The following PRKCH variants were observed in gnomAD, a reference collection of about 807,000 sequenced individuals.
PRKCH encodes protein kinase C eta.
PRKCH carries 28 observed loss-of-function variants against 82.5 expected under a neutral mutation model. That is an observed-to-expected ratio of 0.34 (90% CI 0.25 to 0.47). The LOEUF is 0.47. Among genes scored for constraint, PRKCH ranks in the 20% least tolerant of loss-of-function variants. The pLI, the probability that PRKCH is intolerant of heterozygous loss-of-function variation, is 1.00. For synonymous variants in PRKCH, 322 were observed against 327.4 expected, an observed-to-expected ratio of 0.98 and a Z score of 0.18; for missense variants, 705 against 881.8, an observed-to-expected ratio of 0.80 and a Z score of 2.54.
At chr14:61,444,585 TC>T (rs200238617) in intron 3 of PRKCH, among the ~76,000 whole-genome samples, 5,590 of 151,528 alleles carry the variant, frequency 0.037, 120 homozygotes, top group Middle Eastern at 0.058. Flanking sequence ...CCTTTAACGC[TC>T]CCCCCCTCCA....
At chr14:61,433,828 G>A (rs1228881680) in intron 2 of PRKCH, among the ~76,000 whole-genome samples, 1 of 152,168 alleles carries the variant, frequency 6.6e-6, no homozygotes, top group African/African-American at 2.4e-5. Context: ...TAAGACTGTA[G>A]ATGTACAGTA....
At chr14:61,194,387 G>A (rs1238100861) in intron 1 of PRKCH, among the ~76,000 whole-genome samples, 1 of 152,192 alleles carries the variant, frequency 6.6e-6, no homozygotes, top group Non-Finnish European at 1.5e-5. Flanking sequence ...AATTAGGTCA[G>A]GGTGATAGCA....
At chr14:61,288,318 C>T (rs2045332904) in intron 1 of PRKCH, among the ~76,000 whole-genome samples, 2 of 152,150 alleles carry the variant, frequency 1.3e-5, no homozygotes, top group African/African-American at 4.8e-5. Flanking sequence ...TGGTCTTGAA[C>T]TCCTGAACTC....
chr14:61,297,668 T>A (rs1199214400), intron 1 of PRKCH, among the ~76,000 whole-genome samples: 1 of 152,210 alleles, frequency 6.6e-6, no homozygotes, highest in African/African-American at 2.4e-5. Flanking sequence ...GGATAGGGTT[T>A]GTGCTCCTGT....
intron 1 of PRKCH, among the ~76,000 whole-genome samples, chr14:61,225,440 G>C (rs1323029243): frequency 1.3e-5 from 2 of 152,322 alleles, no homozygotes; most frequent in East Asian, 1.9e-4. Context: ...TGCTGGACTG[G>C]ATGGACCCAA....
At chr14:61,206,382 C>A (rs1365516475) in intron 1 of PRKCH, among the ~76,000 whole-genome samples, 2 of 152,160 alleles carry the variant, frequency 1.3e-5, no homozygotes, top group African/African-American at 4.8e-5. Flanking sequence ...CTTGACATTG[C>A]CTTTTTCTCT....
chr14:61,315,967 C>T (rs377239673), intron 1 of PRKCH, among the ~76,000 whole-genome samples: 8 of 152,104 alleles, frequency 5.3e-5, no homozygotes, highest in Admixed American at 2.0e-4. Context: ...AGGCTGGTCT[C>T]GAACTCCTGA....
At chr14:61,338,513 T>C (rs2045887577) in intron 1 of PRKCH, among the ~76,000 whole-genome samples, 1 of 152,160 alleles carries the variant, frequency 6.6e-6, no homozygotes, top group Non-Finnish European at 1.5e-5. Context: ...AAACAAAATG[T>C]TAACTTTTGT....
chr14:61,467,316 C>T (rs1387588882), intron 9 of PRKCH, among the ~76,000 whole-genome samples: 2 of 152,220 alleles, frequency 1.3e-5, no homozygotes, highest in Non-Finnish European at 2.9e-5. Context: ...GACCTGTTGG[C>T]CAACGTACCT....
At position 61,413,418 on chromosome 14, in the gene PRKCH, C is replaced by CTG. The variant is rs1226453137; in HGVS notation, c.427+22130_427+22131insTG. ...CTTTTTAAGCGCCCCCCCCCCGCCC[C>CTG]GCCCATGTACCCTGTGCCTATATTC... is the stretch of plus-strand genomic sequence containing the variant. On this transcript the variant is annotated intron_variant, in intron 2 of 13. Transcript: ENST00000332981. Among the ~76,000 whole-genome samples the CTG allele has an allele frequency of 3.8e-5, 4 of 105,744 alleles. No homozygotes were observed. In the Admixed American group the frequency reaches 4.8e-4, roughly 13 times the overall value. The allele number at this position is 105,744 out of a possible 152,430, so 69.4% of individuals were successfully genotyped here.
In PRKCH at chr14:61,447,026, T is replaced by C. The variant is rs1884259473; in HGVS notation, c.613+1300T>C. On this transcript the variant is annotated intron_variant, in intron 4 of 13. Coordinates refer to ENST00000332981, the MANE Select transcript of PRKCH (RefSeq NM_006255.5). ...ACATGCAGACACCACTTTGGTGATG[T>C]CTCCCTAAGGCATATAAAACCAAAT... Among the ~76,000 whole-genome samples, 4 of 152,204 alleles carry C rather than the reference T, an allele frequency of 2.6e-5. No homozygotes were observed. In the South Asian group the frequency reaches 8.3e-4, roughly 32 times the overall value.
intron 12 of PRKCH, chr14:61,543,828 A>C (rs1468191667): frequency 6.6e-6 from 1 of 152,270 alleles, no homozygotes; most frequent in Non-Finnish European, 1.5e-5. Context: ...AGTTTAGGGA[A>C]AGGCCTGTGC....
chr14:61,230,373 T>C (rs186436489), intron 1 of PRKCH, among the ~76,000 whole-genome samples: 4 of 152,298 alleles, frequency 2.6e-5, no homozygotes, highest in Admixed American at 2.6e-4. Context: ...GTCATGACTC[T>C]CTTCTTAGGT....
intron 2 of PRKCH, 68 bp from the exon 3 acceptor site, chr14:61,443,043 T>A: frequency 2.7e-6 from 4 of 1,458,046 alleles, no homozygotes; most frequent in Non-Finnish European, 3.7e-6. Context: ...ACTATCAAAC[T>A]TTCTCATCTA....
At chr14:61,431,386 C>T (rs1034260713) in intron 2 of PRKCH, among the ~76,000 whole-genome samples, 2 of 152,200 alleles carry the variant, frequency 1.3e-5, no homozygotes, top group Non-Finnish European at 2.9e-5. Flanking sequence ...TCAAATTGCC[C>T]ACTTGGCCCT....
intron 1 of PRKCH, among the ~76,000 whole-genome samples, chr14:61,378,441 A>G (rs2046454874): frequency 6.6e-6 from 1 of 152,026 alleles, no homozygotes; most frequent in East Asian, 1.9e-4. Flanking sequence ...TCTGGCCTCA[A>G]GTGATCTTCC....
At position 61,280,198 on chromosome 14, in the gene PRKCH, A is replaced by G. The variant is rs1029633666; in HGVS notation, c.-19+92530A>G. Reference sequence around the variant, plus strand: ...GCCGACGACCAGGTAGGCGATGCCCAGGAAGGGGTTCTTGCCACCCATCCA... The same window carrying G: ...GCCGACGACCAGGTAGGCGATGCCCGGGAAGGGGTTCTTGCCACCCATCCA... On this transcript the variant is annotated intron_variant, in intron 1 of 3. Transcript: ENST00000555185. The surrounding 1 kb of genome is among the most constrained non-coding windows in gnomAD (Gnocchi z 5.0). 3.1e-6 allele frequency: 5 copies of G among 1,613,840 alleles called. No individual in the cohort carries two copies. Among genetic ancestry groups the G allele is most frequent in the Non-Finnish European group, 4.2e-6 (5 of 1,179,830 alleles).
chr14:61,245,944 A>G (rs1007486654), intron 1 of PRKCH, among the ~76,000 whole-genome samples: 7 of 152,200 alleles, frequency 4.6e-5, no homozygotes, highest in Non-Finnish European at 8.8e-5. Context: ...ATACCCAAAC[A>G]TTAGTGGTCG....
intron 2 of PRKCH, among the ~76,000 whole-genome samples, chr14:61,439,180 GT>G (rs559085984): frequency 1.6e-4 from 24 of 151,776 alleles, no homozygotes; most frequent in Admixed American, 7.2e-4. Flanking sequence ...ATTCAATAGG[GT>G]TTTTTTTTAG....
Sources: gnomAD v4.1 joint callset for allele counts (sites outside exome capture counted in the v4.1 genomes callset) on GRCh38, gnomAD v4.1.1 for gene constraint, Gnocchi (gnomAD v3.1) non-coding constraint, MANE v1.5 for transcripts, NCBI Gene and HGNC (gene_info 2026-07-23, HGNC 2026-07-21) for gene names.